DLG2: variants seen among roughly 807,000 people sequenced by gnomAD.
The protein encoded by DLG2 is discs large MAGUK scaffold protein 2, also known as disks large homolog 2.
Under a neutral mutation model 132.5 loss-of-function variants are expected in DLG2, and 45 were observed. The observed-to-expected ratio is 0.34, with a 90% CI of 0.27 to 0.44. The LOEUF is 0.44. DLG2 is among the 20% of genes least tolerant of loss of function. The pLI is 1.00. For missense variants in DLG2, 1,045 were observed against 1,196.9 expected, an observed-to-expected ratio of 0.87 and a Z score of 1.87; for synonymous variants, 424 against 419.6, an observed-to-expected ratio of 1.01 and a Z score of -0.13.
intron 25 of DLG2, among the ~76,000 whole-genome samples, 181 bp downstream of exon 25, chr11:83,469,020 G>T (rs948121000): frequency 3.3e-5 from 5 of 151,360 alleles, no homozygotes; most frequent in African/African-American, 1.2e-4. Context: ...ATACTTTATT[G>T]AAATTAGAAC....
intron 7 of DLG2, among the ~76,000 whole-genome samples, 194 bp from the exon 8 acceptor site, chr11:84,251,485 A>G (rs908594816): frequency 3.9e-5 from 6 of 152,258 alleles, no homozygotes; most frequent in African/African-American, 1.2e-4. Context: ...TATTTGTTAC[A>G]TTTACCACAT....
At chr11:85,427,655 T>C (rs570243415) in intron 3 of DLG2, among the ~76,000 whole-genome samples, 5,344 of 152,206 alleles carry the variant, frequency 0.035, 144 homozygotes, top group Admixed American at 0.051. Context: ...ACAACCGGTA[T>C]CAGCCACTGC....
intron 6 of DLG2, among the ~76,000 whole-genome samples, chr11:84,592,187 G>A (rs902478788): frequency 2.0e-5 from 3 of 152,244 alleles, no homozygotes; most frequent in Admixed American, 1.3e-4. Flanking sequence ...CTCACCGGTT[G>A]GTTGCTAAGT....
intron 7 of DLG2, among the ~76,000 whole-genome samples, chr11:84,477,359 G>A (rs1345310266): frequency 2.0e-5 from 3 of 152,010 alleles, no homozygotes; most frequent in African/African-American, 7.2e-5. Flanking sequence ...GCCAGGCATG[G>A]TGGTACATGC....
intron 7 of DLG2, among the ~76,000 whole-genome samples, chr11:84,307,937 C>G (rs2098243157): frequency 6.6e-6 from 1 of 152,108 alleles, no homozygotes; most frequent in Non-Finnish European, 1.5e-5. Flanking sequence ...TCGTAGTCTT[C>G]CTGGCTTCAG....
chr11:84,714,265 T>C (rs533710611), intron 6 of DLG2, among the ~76,000 whole-genome samples: 52 of 152,130 alleles, frequency 3.4e-4, no homozygotes, highest in Admixed American at 1.0e-3. Context: ...ACAAAAAATA[T>C]GCATAATGAT....
intron 5 of DLG2, among the ~76,000 whole-genome samples, chr11:85,124,834 ATTTT>A (rs35849932): frequency 6.7e-6 from 1 of 148,316 alleles, no homozygotes; most frequent in Non-Finnish European, 1.5e-5. Flanking sequence ...GCACAGTAAA[ATTTT>A]TTTTTTTTTT....
intron 3 of DLG2, among the ~76,000 whole-genome samples, chr11:85,368,928 T>G (rs796820887): frequency 5.3e-5 from 8 of 152,276 alleles, no homozygotes; most frequent in African/African-American, 1.7e-4. Context: ...CAGGAAGCAC[T>G]CTAGTGGAGG....
In DLG2 at chr11:85,289,246, A is replaced by T. The variant is rs551293855; in HGVS notation, c.41-3881T>A. 7.9e-5 allele frequency among the ~76,000 whole-genome samples: 12 copies of T among 152,178 alleles called. No homozygotes were observed. In the South Asian group the frequency reaches 2.5e-3, roughly 32 times the overall value. The stretch of plus-strand genomic sequence containing the variant: ...AATAATTGACATATATCCCCTTGTC[A>T]CTTTCCAAGCATCTCTCTTTTGCAC... On this transcript the variant is annotated intron_variant, in intron 3 of 27. Coordinates refer to ENST00000376104, the MANE Select transcript of DLG2 (RefSeq NM_001142699.3).
intron 10 of DLG2, among the ~76,000 whole-genome samples, chr11:84,085,690 G>T (rs1248654891): frequency 6.6e-6 from 1 of 152,190 alleles, no homozygotes; most frequent in East Asian, 1.9e-4. Flanking sequence ...TGGAAGTTTA[G>T]ATATAAACCT....
chr11:83,457,538 T>TTTGA lies in DLG2; in HGVS notation c.*2276_*2279dup, dbSNP rs2089206130. 1 of 152,660 alleles carries TTTGA rather than the reference T, an allele frequency of 6.6e-6. No homozygotes were observed. Among genetic ancestry groups the TTTGA allele is most frequent in the South Asian group, 2.1e-4 (1 of 4,836 alleles). The allele number at this position is 152,660 out of a possible 1,614,324, so 9.5% of individuals were successfully genotyped here. ...ACAAAACCAAGGGTTGGTGGTTCAATTTGATTGTACTTAGCCACAGCAACA... is the reference window on the plus strand; with the variant it reads ...ACAAAACCAAGGGTTGGTGGTTCAATTTGATTGATTGTACTTAGCCACAGCAACA... On this transcript the variant is annotated 3_prime_UTR_variant, in exon 28 of 28. Coordinates refer to ENST00000376104, the MANE Select transcript of DLG2 (RefSeq NM_001142699.3).
At chr11:85,429,621 T>C (rs1271715029) in intron 3 of DLG2, among the ~76,000 whole-genome samples, 1 of 152,212 alleles carries the variant, frequency 6.6e-6, no homozygotes, top group Non-Finnish European at 1.5e-5. Flanking sequence ...TCGTCATCAC[T>C]GGCCATCAGA....
intron 21 of DLG2, among the ~76,000 whole-genome samples, chr11:83,514,455 T>A (rs1341600855): frequency 6.6e-6 from 1 of 152,214 alleles, no homozygotes; most frequent in South Asian, 2.1e-4. Context: ...TTTCTAGATA[T>A]ACAATCATGT....
chr11:84,667,583 G>A (rs1473332972), intron 6 of DLG2, among the ~76,000 whole-genome samples: 9 of 140,142 alleles, frequency 6.4e-5, no homozygotes, highest in East Asian at 4.7e-4. Flanking sequence ...TGCAACCTCC[G>A]CCTCCTGGGT....
chr11:85,432,681 G>A lies in DLG2; in HGVS notation c.41-147316C>T, dbSNP rs144766279. On this transcript the variant is annotated intron_variant, in intron 3 of 27. Coordinates refer to ENST00000376104, the MANE Select transcript of DLG2 (RefSeq NM_001142699.3). ...AAATACGGAACTACATAAAATGACC[G>A]CAGCTACAACTGATTAGAGTACCTG... Among the ~76,000 whole-genome samples the A allele has an allele frequency of 1.9e-3, 283 of 152,124 alleles. 1 individual carries two copies. Among genetic ancestry groups the A allele is most frequent in the Non-Finnish European group, 3.0e-3 (205 of 67,976 alleles).
At chr11:83,791,400 G>A (rs1458961699) in intron 17 of DLG2, 6 of 666,352 alleles carry the variant, frequency 9.0e-6, no homozygotes, top group African/African-American at 1.9e-5. Flanking sequence ...CACCTTTTTC[G>A]TCTTTCCTGT....
At chr11:83,634,503 A>G (rs754645153) in intron 18 of DLG2, among the ~76,000 whole-genome samples, 3 of 152,194 alleles carry the variant, frequency 2.0e-5, no homozygotes, top group Non-Finnish European at 4.4e-5. Context: ...GTTAATTGGA[A>G]TTATAAATGG....
intron 19 of DLG2, among the ~76,000 whole-genome samples, chr11:83,616,902 A>T (rs1006805115): frequency 6.6e-6 from 1 of 152,174 alleles, no homozygotes; most frequent in African/African-American, 2.4e-5. Context: ...TAAAAAGATC[A>T]TCCTTTTCCA....
chr11:84,323,710 T>C (rs1216567885), intron 7 of DLG2, among the ~76,000 whole-genome samples: 1 of 150,310 alleles, frequency 6.7e-6, no homozygotes, highest in Non-Finnish European at 1.5e-5. Context: ...TTTTTTTGCT[T>C]TCTTTTTTCC....
Sources: gnomAD v4.1 joint callset for allele counts (sites outside exome capture counted in the v4.1 genomes callset) on GRCh38, gnomAD v4.1.1 for gene constraint, MANE v1.5 for transcripts, NCBI Gene and HGNC (gene_info 2026-07-23, HGNC 2026-07-21) for gene names.